MMP8: variants seen among roughly 807,000 people sequenced by gnomAD.
MMP8 encodes neutrophil collagenase.
MMP8 carries 67 observed loss-of-function variants against 51.2 expected under a neutral mutation model. That is an observed-to-expected ratio of 1.31 (90% CI 1.08 to 1.60). The LOEUF is 1.60. Among genes scored for constraint, MMP8 ranks in the 40% most tolerant of loss-of-function variants. The pLI is 0.00. For missense variants in MMP8, 654 were observed against 558.1 expected (o/e 1.17, Z -1.73); for synonymous variants, 225 against 191.0 (o/e 1.18, Z -1.47).
In MMP8 at chr11:102,714,625, A is replaced by G; in HGVS notation, c.1121T>C (p.Val374Ala). Reference sequence around the variant, plus strand: ...GAAAACAGCTGCGTCAATTGCTTGGACGCTGCTGGGGAAGCCATAGTTTGA... The same window carrying G: ...GAAAACAGCTGCGTCAATTGCTTGGGCGCTGCTGGGGAAGCCATAGTTTGA... The part of the protein sequence containing the change: ...DISNYGFPSS[V>A]QAIDAAVFYR... Residue 374 changes from valine to alanine, a missense_variant, in exon 8 of 10, where the codon GTC becomes GCC. Coordinates refer to ENST00000236826, the MANE Select transcript of MMP8 (RefSeq NM_002424.3). 9 of 1,540,608 alleles carry G rather than the reference A, an allele frequency of 5.8e-6. No individual in the cohort carries two copies. The highest frequency in any genetic ancestry group is 7.9e-6 in the Non-Finnish European group (9 of 1,146,012).
chr11:102,714,345 CA>C (rs574451160), intron 8 of MMP8, among the ~76,000 whole-genome samples: 5 of 152,050 alleles, frequency 3.3e-5, no homozygotes, highest in Non-Finnish European at 4.4e-5. Context: ...GCAGAATCCT[CA>C]ATACTATTGC....
intron 2 of MMP8, 102 bp from the exon 3 acceptor site, chr11:102,721,864 C>G: frequency 1.5e-6 from 2 of 1,334,484 alleles, no homozygotes; most frequent in Non-Finnish European, 2.1e-6. Context: ...TCATGGTGTG[C>G]TACCACTGGA....
rs115536685 is a variant in MMP8 at position 102,713,283 on chromosome 11, C to T, written c.*65G>A. 9.1e-4 allele frequency: 1,031 copies of T among 1,133,620 alleles called. 9 individuals are homozygous for T. The African/African-American group carries it at 0.013, about 15-fold the overall frequency. The allele number at this position is 1,133,620 out of a possible 1,614,324, so 70.2% of individuals were successfully genotyped here. A position where few individuals can be genotyped will look rare whatever the true frequency, so the allele number is the denominator to read the frequency against. On this transcript the variant is annotated 3_prime_UTR_variant, in exon 10 of 10. Transcript: ENST00000236826. ...AAAGTATAAGCAGGACACAATGTAACGAAAATGCTTGCTGAACTTCCCTTC... is the reference window on the plus strand; with the variant it reads ...AAAGTATAAGCAGGACACAATGTAATGAAAATGCTTGCTGAACTTCCCTTC...
In MMP8 at chr11:102,724,862, C is replaced by G. The variant is rs1239760895; in HGVS notation, c.-7G>C. Reference sequence around the variant, plus strand: ...GCGTCTTCAGGGAGAACATGATCTTCTCTTCAAACTCTACCCCTCCTGGCT... The same window carrying G: ...GCGTCTTCAGGGAGAACATGATCTTGTCTTCAAACTCTACCCCTCCTGGCT... On this transcript the variant is annotated 5_prime_UTR_variant, in exon 1 of 10. Transcript: ENST00000236826. The G allele has an allele frequency of 1.2e-5, 20 of 1,605,716 alleles. No homozygotes were observed. In the Admixed American group the frequency reaches 3.4e-4, roughly 27 times the overall value.
In MMP8 at chr11:102,724,913, C is replaced by T; in HGVS notation, c.-58G>A. The T allele has an allele frequency of 2.6e-6, 4 of 1,554,822 alleles. No individual in the cohort carries two copies. The highest frequency in any genetic ancestry group is 2.6e-6 in the Non-Finnish European group (3 of 1,146,212). On this transcript the variant is annotated 5_prime_UTR_variant, in exon 1 of 10. Transcript: ENST00000236826. ...TTCTTTCTGTCCCTCTGGGTAGGGC[C>T]CTTCCCTGGCGAGCACCCTGACGTT...
intron 3 of MMP8, 26 bp from the exon 4 acceptor site, chr11:102,721,552 T>C: frequency 6.2e-7 from 1 of 1,613,610 alleles, no homozygotes; most frequent in Non-Finnish European, 8.5e-7. Context: ...TTGTATTAGA[T>C]CCTTGCCAAG....
rs189056265 is a variant in MMP8 at position 102,714,280 on chromosome 11, A to G, written c.1190+276T>C. Among the ~76,000 whole-genome samples the G allele has an allele frequency of 1.4e-4, 21 of 152,322 alleles. No individual in the cohort carries two copies. In the East Asian group the frequency reaches 3.5e-3, roughly 25 times the overall value. On this transcript the variant is annotated intron_variant, in intron 8 of 9. Transcript: ENST00000236826. ...AACTCATAAGTGAGAATTAGCTTAA[A>G]TCTTTCTTTGTATCTCACCCTAGTG...
In MMP8 at chr11:102,713,860, G is replaced by C; in HGVS notation, c.1191-3C>G. ...TGAATTGTCTTTGGTTATCATATCTGGTAAAAACAAAATGTTATCCGATTT... is the reference window on the plus strand; with the variant it reads ...TGAATTGTCTTTGGTTATCATATCTCGTAAAAACAAAATGTTATCCGATTT... On this transcript the variant is annotated splice_region_variant and splice_polypyrimidine_tract_variant and intron_variant, in intron 8 of 9. Transcript: ENST00000236826. The C allele has an allele frequency of 6.3e-7, 1 of 1,594,056 alleles. No homozygotes were observed. Among genetic ancestry groups the C allele is most frequent in the Non-Finnish European group, 8.5e-7 (1 of 1,171,566 alleles).
intron 1 of MMP8, 127 bp downstream of exon 1, chr11:102,724,627 A>T (rs905946068): frequency 3.8e-6 from 3 of 799,834 alleles, no homozygotes; most frequent in African/African-American, 3.5e-5. Flanking sequence ...CTAAAAGGAG[A>T]TGTTCAATCT....
intron 2 of MMP8, 99 bp from the exon 3 acceptor site, chr11:102,721,861 G>C (rs1861484113): frequency 3.7e-6 from 5 of 1,344,550 alleles, no homozygotes. Flanking sequence ...GCATCATGGT[G>C]TGCTACCACT....
chr11:102,722,982 A>G (rs1565442385), intron 1 of MMP8: 2 of 1,319,522 alleles, frequency 1.5e-6, no homozygotes, highest in Non-Finnish European at 2.0e-6. Context: ...CAAAAAAATT[A>G]GGACTAACAT....
chr11:102,717,328 T>C (rs1437583255), intron 5 of MMP8, among the ~76,000 whole-genome samples: 2 of 152,192 alleles, frequency 1.3e-5, no homozygotes, highest in Non-Finnish European at 2.9e-5. Flanking sequence ...CCTATACTTA[T>C]CCTTGAAATG....
At chr11:102,724,484 T>A (rs33982701) in intron 1 of MMP8, among the ~76,000 whole-genome samples, 7,175 of 152,270 alleles carry the variant, frequency 0.047, 202 homozygotes, top group Middle Eastern at 0.1. Flanking sequence ...AATAAAACCA[T>A]TTCTTCTACA....
At chr11:102,724,457 A>G (rs1438691806) in intron 1 of MMP8, among the ~76,000 whole-genome samples, 1 of 152,210 alleles carries the variant, frequency 6.6e-6, no homozygotes, top group Non-Finnish European at 1.5e-5. Flanking sequence ...TGAGAAAGAA[A>G]ATGATACCAT....
At position 102,711,866 on chromosome 11, in the gene MMP8, G is replaced by C. The variant is rs1030766535; in HGVS notation, c.*1482C>G. 1.3e-5 allele frequency: 2 copies of C among 152,004 alleles called. No individual in the cohort carries two copies. The highest frequency in any genetic ancestry group is 4.8e-5 in the African/African-American group (2 of 41,386). The allele number at this position is 152,004 out of a possible 1,614,324, so 9.4% of individuals were successfully genotyped here. A position where few individuals can be genotyped will look rare whatever the true frequency, so the allele number is the denominator to read the frequency against. On this transcript the variant is annotated 3_prime_UTR_variant, in exon 10 of 10. Coordinates refer to ENST00000236826, the MANE Select transcript of MMP8 (RefSeq NM_002424.3). ...TTTTAATTTTTGAACAAGCATAAAG[G>C]TGCCAATTTAATTATCTGTGGGATT...
intron 4 of MMP8, among the ~76,000 whole-genome samples, chr11:102,719,018 C>T (rs955528989): frequency 6.6e-6 from 1 of 152,170 alleles, no homozygotes; most frequent in Non-Finnish European, 1.5e-5. Flanking sequence ...AGTGGAGCAG[C>T]CTCAGATGGA....
At chr11:102,720,351 A>G (rs1267704517) in intron 4 of MMP8, among the ~76,000 whole-genome samples, 2 of 152,214 alleles carry the variant, frequency 1.3e-5, no homozygotes, top group South Asian at 2.1e-4. Flanking sequence ...AATCTAGATC[A>G]TTCGTTCAGG....
chr11:102,722,986 C>T (rs1374529486), intron 1 of MMP8: 1 of 1,317,488 alleles, frequency 7.6e-7, no homozygotes, highest in South Asian at 1.2e-5. Flanking sequence ...AAAATTAGGA[C>T]TAACATTAAT....
intron 2 of MMP8, 109 bp from the exon 3 acceptor site, chr11:102,721,871 T>C (rs1479275398): frequency 1.8e-5 from 23 of 1,289,536 alleles, no homozygotes; most frequent in Non-Finnish European, 2.4e-5. Flanking sequence ...GTGCTACCAC[T>C]GGAGAGGATA....
Sources: allele counts gnomAD v4.1 joint callset (sites outside exome capture counted in the v4.1 genomes callset), GRCh38; gene constraint gnomAD v4.1.1; transcripts MANE v1.5; gene names NCBI Gene and HGNC (gene_info 2026-07-23, HGNC 2026-07-21).